The following MYO3B variants were observed in gnomAD, a reference collection of about 807,000 sequenced individuals.
MYO3B encodes the protein myosin-IIIb.
A neutral mutation model predicts 174.6 loss-of-function variants in MYO3B; 156 were observed. That is an observed-to-expected ratio of 0.89 (90% CI 0.78 to 1.02). MYO3B has a LOEUF of 1.02. MYO3B is among the 50% of genes least tolerant of loss of function. The pLI, the probability that MYO3B is intolerant of heterozygous loss-of-function variation, is 0.00. For synonymous variants in MYO3B, 563 were observed against 569.1 expected, an observed-to-expected ratio of 0.99 and a Z score of 0.15; for missense variants, 1,632 against 1,639.4, an observed-to-expected ratio of 1.00 and a Z score of 0.08.
intron 7 of MYO3B, among the ~76,000 whole-genome samples, chr2:170,243,283 G>T (rs1487205524): frequency 6.6e-6 from 1 of 152,202 alleles, no homozygotes. Context: ...TGGCTGTGTT[G>T]GTTGGTCTAG....
chr2:170,400,114 T>A (rs2094465343), intron 16 of MYO3B, 74 bp from the exon 17 acceptor site: 2 of 1,572,606 alleles, frequency 1.3e-6, no homozygotes, highest in Non-Finnish European at 1.7e-6. Flanking sequence ...ACTAGTAGTT[T>A]CCACTACAGG....
At position 170,651,617 on chromosome 2, in the gene MYO3B, T is replaced by A; in HGVS notation, c.3734-11T>A. The A allele has an allele frequency of 3.7e-6, 6 of 1,613,630 alleles. No homozygotes were observed. The highest frequency in any genetic ancestry group is 5.1e-6 in the Non-Finnish European group (6 of 1,179,576). ...CGGACAGTTTACAGCAAAGTTTTGC[T>A]CTTTTTTCAGGTTCAGAAAATGGTC... is the stretch of plus-strand genomic sequence containing the variant. On this transcript the variant is annotated splice_polypyrimidine_tract_variant and intron_variant, in intron 32 of 34. Transcript: ENST00000408978.
At position 170,573,227 on chromosome 2, in the gene MYO3B, G is replaced by GTGTGTATATATA. The variant is rs1446970724; in HGVS notation, c.3733+29240_3733+29241insGTGTATATATAT. 3.9e-4 allele frequency among the ~76,000 whole-genome samples: 18 copies of GTGTGTATATATA among 46,478 alleles called. 1 individual carries two copies. The highest frequency in any genetic ancestry group is 0.024 in the Middle Eastern group (2 of 82). 30.5% of individuals were successfully genotyped at this position (46,478 alleles called of 152,430 possible). ...TAATAAACATATATGTATACTGTGT[G>GTGTGTATATATA]TATATATATATATATATATATATGT... On this transcript the variant is annotated intron_variant, in intron 32 of 34. Transcript: ENST00000408978.
chr2:170,569,046 G>T (rs903290026), intron 32 of MYO3B, among the ~76,000 whole-genome samples: 10 of 152,036 alleles, frequency 6.6e-5, no homozygotes, highest in African/African-American at 2.2e-4. Flanking sequence ...CGGTGGGTAG[G>T]GGGAGAGAAA....
At chr2:170,543,235 C>T (rs1690238085) in intron 31 of MYO3B, among the ~76,000 whole-genome samples, 1 of 152,186 alleles carries the variant, frequency 6.6e-6, no homozygotes, top group Admixed American at 6.5e-5. Context: ...GGTGATTTGT[C>T]TGTGCACTCC....
intron 6 of MYO3B, among the ~76,000 whole-genome samples, chr2:170,235,719 G>C (rs368387348): frequency 6.6e-6 from 1 of 152,130 alleles, no homozygotes; most frequent in Non-Finnish European, 1.5e-5. Context: ...GTATACATCC[G>C]CTTCCTCCCC....
rs961252998 is a variant in MYO3B at position 170,218,917 on chromosome 2, A to G, written c.603+1522A>G. Among the ~76,000 whole-genome samples the G allele has an allele frequency of 7.2e-5, 11 of 152,228 alleles. 1 individual carries two copies. Among genetic ancestry groups the G allele is most frequent in the African/African-American group, 2.4e-4 (10 of 41,458 alleles). On this transcript the variant is annotated intron_variant, in intron 6 of 34. Transcript: ENST00000408978. ...AAGTCAAAACTTCTTTGAATTTTGA[A>G]TAAAGCTCTTAATATTCCAGCCCCT...
intron 8 of MYO3B, among the ~76,000 whole-genome samples, chr2:170,355,357 A>G (rs2094112170): frequency 6.6e-6 from 1 of 152,236 alleles, no homozygotes; most frequent in South Asian, 2.1e-4. Context: ...AGTCAGCCAG[A>G]GAAGTGTTTA....
rs150205379 is a variant in MYO3B, at chr2:170,352,152, C to T, written c.815+16702C>T. ...ATTTTTAGTAGAGACGGGGTTTCAC[C>T]GTGTTGGCCAGACTGGTCTCGAACT... On this transcript the variant is annotated intron_variant, in intron 8 of 34. Coordinates refer to ENST00000408978, the MANE Select transcript of MYO3B (RefSeq NM_138995.5). 5.0e-3 allele frequency among the ~76,000 whole-genome samples: 763 copies of T among 152,190 alleles called. 6 individuals are homozygous for T. Among genetic ancestry groups the T allele is most frequent in the South Asian group, 0.02 (97 of 4,804 alleles).
chr2:170,464,868 A>C (rs922630296), intron 24 of MYO3B, among the ~76,000 whole-genome samples: 2 of 148,202 alleles, frequency 1.3e-5, no homozygotes, highest in African/African-American at 5.0e-5. Context: ...AGACTGGATA[A>C]TTTTTTTTTT....
At chr2:170,596,583 T>C (rs1054857043) in intron 32 of MYO3B, among the ~76,000 whole-genome samples, 1 of 152,206 alleles carries the variant, frequency 6.6e-6, no homozygotes, top group Non-Finnish European at 1.5e-5. Flanking sequence ...CTACATGTTT[T>C]CTCCCACCCA....
At chr2:170,594,268 C>T (rs1481525328) in intron 32 of MYO3B, among the ~76,000 whole-genome samples, 6 of 151,972 alleles carry the variant, frequency 3.9e-5, no homozygotes, top group Non-Finnish European at 8.8e-5. Context: ...CTACCACCAC[C>T]GCCATGGCCA....
At chr2:170,422,561 C>A (rs1054409662) in intron 22 of MYO3B, among the ~76,000 whole-genome samples, 1 of 151,424 alleles carries the variant, frequency 6.6e-6, no homozygotes, top group African/African-American at 2.4e-5. Context: ...CAGGTTCAAG[C>A]GATTCTCCTG....
At chr2:170,445,816 T>G (rs2094837634) in intron 23 of MYO3B, among the ~76,000 whole-genome samples, 1 of 152,140 alleles carries the variant, frequency 6.6e-6, no homozygotes, top group South Asian at 2.1e-4. Flanking sequence ...AAAAATTTTT[T>G]TTGTAGAGAT....
intron 23 of MYO3B, among the ~76,000 whole-genome samples, chr2:170,457,342 T>C (rs895946660): frequency 1.3e-5 from 2 of 152,236 alleles, no homozygotes; most frequent in African/African-American, 2.4e-5. Flanking sequence ...AAGAATGGTT[T>C]GGGACAAGTC....
chr2:170,386,111 G>A, intron 12 of MYO3B, 78 bp from the exon 13 acceptor site: 1 of 1,167,790 alleles, frequency 8.6e-7, no homozygotes. Context: ...AAGGTGTACA[G>A]TAGTGGATGT....
intron 32 of MYO3B, among the ~76,000 whole-genome samples, chr2:170,617,430 A>G (rs1259452725): frequency 6.6e-6 from 1 of 152,228 alleles, no homozygotes; most frequent in Non-Finnish European, 1.5e-5. Flanking sequence ...CTAATATGCA[A>G]CTTTCCTGCT....
At chr2:170,569,861 G>GA (rs34549360) in intron 32 of MYO3B, among the ~76,000 whole-genome samples, 5,977 of 91,282 alleles carry the variant, frequency 0.065, 223 homozygotes, top group African/African-American at 0.13. Context: ...GCTCTATCTC[G>GA]AAAAAAAAAA....
At chr2:170,359,410 A>G (rs1046856881) in intron 8 of MYO3B, among the ~76,000 whole-genome samples, 4 of 151,552 alleles carry the variant, frequency 2.6e-5, no homozygotes, top group African/African-American at 9.7e-5. Flanking sequence ...CCTCTAATCT[A>G]CTCTCTAATG....
Sources: gnomAD v4.1 joint callset for allele counts (sites outside exome capture counted in the v4.1 genomes callset) on GRCh38, gnomAD v4.1.1 for gene constraint, MANE v1.5 for transcripts, NCBI Gene and HGNC (gene_info 2026-07-23, HGNC 2026-07-21) for gene names.